Variants in PRF1 observed in about 807,000 individuals in gnomAD.
PRF1 encodes the protein perforin-1.
Under a neutral mutation model 11.7 loss-of-function variants are expected in PRF1, and 11 were observed. That is an observed-to-expected ratio of 0.94 (90% CI 0.59 to 1.56). The LOEUF (loss-of-function observed/expected upper bound fraction) is 1.56, where lower values mean the gene tolerates loss of function less well. Among genes scored for constraint, PRF1 ranks in the 40% most tolerant of loss-of-function variants. The pLI is 0.00. For missense variants in PRF1, 729 were observed against 751.0 expected (o/e 0.97, Z 0.34); for synonymous variants, 314 against 327.8 (o/e 0.96, Z 0.45).
rs1159934300 is a variant in PRF1, at chr10:70,600,074, G to A, written c.539+290C>T. On this transcript the variant is annotated intron_variant, in intron 2 of 2. Coordinates refer to ENST00000441259, the MANE Select transcript of PRF1 (RefSeq NM_001083116.3). This position sits in a 1 kb window ranked among gnomAD's most constrained non-coding sequence, Gnocchi z 4.9. The stretch of plus-strand genomic sequence containing the variant: ...GGCTGGCTGTGCCCAGGAAAGGCAG[G>A]GTTCAGTACTCACTAGACCTAAATG... 1.3e-5 allele frequency among the ~76,000 whole-genome samples: 2 copies of A among 152,176 alleles called. No homozygotes were observed. Among genetic ancestry groups the A allele is most frequent in the African/African-American group, 2.4e-5 (1 of 41,458 alleles).
chr10:70,598,832 G>T lies in PRF1; in HGVS notation c.889C>A (p.Arg297=). Residue 297 remains arginine (R), a synonymous_variant, in exon 3 of 3, where the codon CGG becomes AGG. Transcript: ENST00000441259. Reference sequence around the variant, plus strand: ...CCAACCACTTCCGAGTGGCGCTCCCGGTAGGTTTGGTGGAAGGAGGCCGTC... The same window carrying T: ...CCAACCACTTCCGAGTGGCGCTCCCTGTAGGTTTGGTGGAAGGAGGCCGTC... ...KMTASFHQTY[R]ERHSEVVGGH... is the part of the protein sequence containing the mutation. 1.2e-6 allele frequency: 2 copies of T among 1,614,216 alleles called. No individual in the cohort carries two copies. Among genetic ancestry groups the T allele is most frequent in the Non-Finnish European group, 1.7e-6 (2 of 1,180,038 alleles).
At position 70,599,120 on chromosome 10, in the gene PRF1, G is replaced by A. The variant is rs1848182877; in HGVS notation, c.601C>T (p.Pro201Ser). The A allele has an allele frequency of 6.2e-7, 1 of 1,614,144 alleles. No individual in the cohort carries two copies. Among genetic ancestry groups the A allele is most frequent in the Non-Finnish European group, 8.5e-7 (1 of 1,180,004 alleles). ...PDFKRALGDL[P>S]HHFNASTQPA... The stretch of plus-strand genomic sequence containing the variant: ...TGGGTGGAGGCGTTGAAGTGGTGGG[G>A]CAGGTCCCCGAGGGCCCTCTTGAAG... The change falls in exon 3 of 3, where the codon CCC (proline) becomes TCC (serine). Residue 201 changes from proline to serine, a missense_variant. Physicochemically the swap from Pro to Ser is moderately conservative, Grantham distance 74. Transcript: ENST00000441259.
chr10:70,597,897 C>A lies in PRF1; in HGVS notation c.*156G>T. 1 of 894,742 alleles carries A rather than the reference C, an allele frequency of 1.1e-6. No individual in the cohort carries two copies. Among genetic ancestry groups the A allele is most frequent in the Admixed American group, 2.6e-5 (1 of 38,592 alleles). 55.4% of individuals were successfully genotyped at this position (894,742 alleles called of 1,614,324 possible). A position where few individuals can be genotyped will look rare whatever the true frequency, so the allele number is the denominator to read the frequency against. Reference sequence around the variant, plus strand: ...ACTCATAATGTTTTAAGAAAGTTTGCGAATTTGCGTTGGGCCGCATTCAAA... The same window carrying A: ...ACTCATAATGTTTTAAGAAAGTTTGAGAATTTGCGTTGGGCCGCATTCAAA... On this transcript the variant is annotated 3_prime_UTR_variant, in exon 3 of 3. Transcript: ENST00000441259.
rs774426204 is a variant in PRF1 at position 70,598,752 on chromosome 10, C to T, written c.969G>A (p.Glu323=). The T allele has an allele frequency of 1.3e-5, 21 of 1,614,130 alleles. No individual in the cohort carries two copies. The African/African-American group carries it at 2.5e-4, about 19-fold the overall frequency. ...DLLFGIQAGP[E]QYSAWVNSLP... Reference sequence around the variant, plus strand: ...GCGAGTTTACCCAGGCTGAGTACTGCTCGGGCCCGGCCTGGATCCCGAACA... The same window carrying T: ...GCGAGTTTACCCAGGCTGAGTACTGTTCGGGCCCGGCCTGGATCCCGAACA... The change falls in exon 3 of 3, where the codon GAG becomes GAA. Residue 323 remains glutamate, a synonymous_variant. Coordinates refer to ENST00000441259, the MANE Select transcript of PRF1 (RefSeq NM_001083116.3).
At position 70,598,220 on chromosome 10, in the gene PRF1, G is replaced by A. The variant is rs200589152; in HGVS notation, c.1501C>T (p.Pro501Ser). The change falls in exon 3 of 3, where the codon CCC becomes TCC. Residue 501 changes from proline to serine, a missense_variant. By Grantham distance (74) the Pro-to-Ser change is moderately conservative. Coordinates refer to ENST00000441259, the MANE Select transcript of PRF1 (RefSeq NM_001083116.3). ...CTCACCTCATGGGAACCAGACTTGG[G>A]AGCCTGATCACAGGTGCCAAGGAGG... ...DDLLGTCDQA[P>S]KSGSHEVRCN... is the part of the protein sequence containing the mutation. 1.1e-5 allele frequency: 18 copies of A among 1,614,082 alleles called. No homozygotes were observed. In the Middle Eastern group the frequency reaches 4.9e-4, roughly 44 times the overall value.
intron 2 of PRF1, among the ~76,000 whole-genome samples, chr10:70,599,983 C>T (rs1350132176): frequency 2.0e-5 from 3 of 152,170 alleles, no homozygotes; most frequent in Non-Finnish European, 1.5e-5. Flanking sequence ...GGTCACACAG[C>T]GATGAGGAAG....
At chr10:70,599,516 G>A (rs879793502) in intron 2 of PRF1, among the ~76,000 whole-genome samples, 6 of 152,272 alleles carry the variant, frequency 3.9e-5, no homozygotes, top group East Asian at 1.9e-4. Context: ...TTGGGAGGCC[G>A]AGGCGGGAGG....
intron 2 of PRF1, 152 bp from the exon 3 acceptor site, chr10:70,599,333 A>G: frequency 1.0e-6 from 1 of 988,718 alleles, no homozygotes; most frequent in Non-Finnish European, 1.5e-6. Context: ...GCACAGTGGC[A>G]CGGGGCTGGC....
chr10:70,599,499 C>A (rs1564724746), intron 2 of PRF1, among the ~76,000 whole-genome samples: 1 of 152,140 alleles, frequency 6.6e-6, no homozygotes, highest in African/African-American at 2.4e-5. Flanking sequence ...CCTGTAACCC[C>A]AGCACTTTGG....
At chr10:70,599,748 C>G (rs2132477337) in intron 2 of PRF1, among the ~76,000 whole-genome samples, 2 of 152,342 alleles carry the variant, frequency 1.3e-5, no homozygotes, top group Middle Eastern at 3.4e-3. Flanking sequence ...CTCGGCCTCT[C>G]TGTGGAGGAA....
rs104894180 is a variant in PRF1, at chr10:70,600,713, G to A, written c.190C>T (p.Gln64Ter). Residue 64 changes from glutamine (Q) to a stop codon, truncating the protein, a stop_gained, in exon 2 of 3, where the codon CAA becomes TAA. Transcript: ENST00000441259. LOFTEE classifies it high-confidence loss of function. The surrounding 1 kb of genome is among the most constrained non-coding windows in gnomAD (Gnocchi z 4.9). ...RRSGSFPVDT[Q>*]RFLRPDGTCT... ...GTGCCGTCGGGCCGCAGGAACCTTT[G>A]TGTGTCCACTGGGAAGGAGCCCGAG... The A allele has an allele frequency of 6.2e-7, 1 of 1,613,926 alleles. No homozygotes were observed. Among genetic ancestry groups the A allele is most frequent in the African/African-American group, 1.3e-5 (1 of 75,060 alleles).
chr10:70,601,629 G>A (rs3758560), intron 1 of PRF1, among the ~76,000 whole-genome samples: 23,208 of 151,664 alleles, frequency 0.15, 2,153 homozygotes, highest in Non-Finnish European at 0.19. Context: ...AGAAGTTCGA[G>A]ACCAGCCTGG....
Position 70,599,185 on chromosome 10 carries a change from C to T in PRF1, c.540-4G>A, listed in dbSNP as rs778340926. On this transcript the variant is annotated splice_region_variant and splice_polypyrimidine_tract_variant and intron_variant, in intron 2 of 2. Transcript: ENST00000441259. ...GGGAGTGTGTACCACATGGAAACTG[C>T]GAGAAGAGAGAGACCTCAGCTGGGC... The T allele has an allele frequency of 1.1e-4, 176 of 1,613,860 alleles. No individual in the cohort carries two copies. Among genetic ancestry groups the T allele is most frequent in the South Asian group, 2.2e-4 (20 of 91,070 alleles).
At chr10:70,601,940 A>T (rs1301776011) in intron 1 of PRF1, among the ~76,000 whole-genome samples, 1 of 150,332 alleles carries the variant, frequency 6.7e-6, no homozygotes, top group Non-Finnish European at 1.5e-5. Flanking sequence ...CCTCTTTGCC[A>T]CTCCCTGCCA....
Position 70,600,872 on chromosome 10 carries a change from G to A in PRF1, c.31C>T (p.Leu11Phe), listed in dbSNP as rs1848221597. Residue 11 changes from leucine (L) to phenylalanine (F), a missense_variant, in exon 2 of 3, where the codon CTT (leucine) becomes TTT (phenylalanine). Transcript: ENST00000441259. The surrounding 1 kb of genome is among the most constrained non-coding windows in gnomAD (Gnocchi z 4.9). ...ACGGGCAGGGGCAGCAGCAGGAGAA[G>A]GATGCCCAGGAGGAGCAGACGGGCT... MAARLLLLGI[L>F]LLLLPLPVPA... 1 of 1,603,616 alleles carries A rather than the reference G, an allele frequency of 6.2e-7. No individual in the cohort carries two copies. The highest frequency in any genetic ancestry group is 1.7e-5 in the Admixed American group (1 of 57,818).
chr10:70,598,756 G>A lies in PRF1; in HGVS notation c.965C>T (p.Pro322Leu), dbSNP rs1848172629. The change falls in exon 3 of 3, where the codon CCC (proline) becomes CTC (leucine). Residue 322 changes from proline (P) to leucine (L), a missense_variant. Physicochemically the swap from Pro to Leu is moderately conservative, Grantham distance 98. Transcript: ENST00000441259. ...NDLLFGIQAG[P>L]EQYSAWVNSL... ...GTTTACCCAGGCTGAGTACTGCTCG[G>A]GCCCGGCCTGGATCCCGAACAGCAG... 1 of 1,614,252 alleles carries A rather than the reference G, an allele frequency of 6.2e-7. No individual in the cohort carries two copies. The highest frequency in any genetic ancestry group is 8.5e-7 in the Non-Finnish European group (1 of 1,180,050).
Position 70,598,990 on chromosome 10 carries a change from A to G in PRF1, c.731T>C (p.Leu244Pro). 6.2e-7 allele frequency: 1 copy of G among 1,614,210 alleles called. No individual in the cohort carries two copies. Among genetic ancestry groups the G allele is most frequent in the Non-Finnish European group, 8.5e-7 (1 of 1,180,022 alleles). Residue 244 changes from leucine (L) to proline (P), a missense_variant, in exon 3 of 3, where the codon CTG (leucine) becomes CCG (proline). Physicochemically the swap from Leu to Pro is moderately conservative, Grantham distance 98 (BLOSUM62 -3). Coordinates refer to ENST00000441259, the MANE Select transcript of PRF1 (RefSeq NM_001083116.3). ...GTTGTCCGTGAGCCCTTCCAGGGCC[A>G]GCTCGCAGGTGCGCAGGGCAGTGAG... ...SALTALRTCE[L>P]ALEGLTDNEV...
At position 70,598,435 on chromosome 10, in the gene PRF1, C is replaced by T. The variant is rs104894181; in HGVS notation, c.1286G>A (p.Gly429Glu). 2 of 1,613,838 alleles carry T rather than the reference C, an allele frequency of 1.2e-6. No individual in the cohort carries two copies. Among genetic ancestry groups the T allele is most frequent in the East Asian group, 2.2e-5 (1 of 44,868 alleles). ...VTFIQAWGLW[G>E]DWFTATDAYV... is the part of the protein sequence containing the mutation. ...GGCATCCGTGGCAGTGAACCAGTCC[C>T]CCCACAGGCCCCATGCTTGGATGAA... The change falls in exon 3 of 3, where the codon GGG (glycine) becomes GAG (glutamate). Residue 429 changes from glycine (G) to glutamate (E), a missense_variant. Physicochemically the swap from Gly to Glu is moderately conservative, Grantham distance 98 (BLOSUM62 -2). Transcript: ENST00000441259.
Position 70,600,851 on chromosome 10 carries a change from G to T in PRF1, c.52C>A (p.Pro18Thr), listed in dbSNP as rs766121836. The T allele has an allele frequency of 6.2e-7, 1 of 1,609,256 alleles. No individual in the cohort carries two copies. The highest frequency in any genetic ancestry group is 1.1e-5 in the South Asian group (1 of 90,340). Reference sequence around the variant, plus strand: ...GCTGTGTGGCACGGGGCAGGGACGGGCAGGGGCAGCAGCAGGAGAAGGATG... The same window carrying T: ...GCTGTGTGGCACGGGGCAGGGACGGTCAGGGGCAGCAGCAGGAGAAGGATG... ...LGILLLLLPL[P>T]VPAPCHTAAR... The change falls in exon 2 of 3, where the codon CCC becomes ACC. Residue 18 changes from proline to threonine, a missense_variant. By Grantham distance (38) the Pro-to-Thr change is conservative. Coordinates refer to ENST00000441259, the MANE Select transcript of PRF1 (RefSeq NM_001083116.3). The surrounding 1 kb of genome is among the most constrained non-coding windows in gnomAD (Gnocchi z 4.9).
Sources: allele counts gnomAD v4.1 joint callset (sites outside exome capture counted in the v4.1 genomes callset), GRCh38; gene constraint gnomAD v4.1.1; non-coding constraint Gnocchi (gnomAD v3.1); transcripts MANE v1.5; gene names NCBI Gene and HGNC (gene_info 2026-07-23, HGNC 2026-07-21).